The following SPEG variants were observed in gnomAD, a reference collection of about 807,000 sequenced individuals.
The protein encoded by SPEG is striated muscle preferentially expressed protein kinase.
Under a neutral mutation model 300.4 loss-of-function variants are expected in SPEG, and 114 were observed. The observed-to-expected ratio is 0.38, with a 90% CI of 0.33 to 0.44. The LOEUF is 0.44. Ranked by LOEUF, SPEG falls within the 20% of genes least tolerant of loss-of-function variation. The pLI, the probability that SPEG is intolerant of heterozygous loss-of-function variation, is 1.00. For synonymous variants in SPEG, 1,964 were observed against 2,018.9 expected (o/e 0.97, Z 0.73); for missense variants, 4,201 against 4,586.2 (o/e 0.92, Z 2.43).
rs181988943 is a variant in SPEG, at chr2:219,451,352, C to T, written c.2257+73C>T. The stretch of plus-strand genomic sequence containing the variant: ...GTGTGAGAAGGGAAGGGGAGGTTCC[C>T]CCGGACTCCTCCAAGGGAGGGGTGG... On this transcript the variant is annotated intron_variant, in intron 5 of 40. Coordinates refer to ENST00000312358, the MANE Select transcript of SPEG (RefSeq NM_005876.5). The surrounding 1 kb of genome is among the most constrained non-coding windows in gnomAD (Gnocchi z 6.4). 8 of 1,518,524 alleles carry T rather than the reference C, an allele frequency of 5.3e-6. No individual in the cohort carries two copies. Among genetic ancestry groups the T allele is most frequent in the East Asian group, 2.3e-5 (1 of 42,664 alleles). The allele number at this position is 1,518,524 out of a possible 1,614,324, so 94.1% of individuals were successfully genotyped here. A position where few individuals can be genotyped will look rare whatever the true frequency, so the allele number is the denominator to read the frequency against.
At chr2:219,472,857 A>G in intron 15 of SPEG, 33 bp from the exon 16 acceptor site, 2 of 1,540,156 alleles carry the variant, frequency 1.3e-6, no homozygotes, top group Non-Finnish European at 1.8e-6. Flanking sequence ...CTGCTCCTGC[A>G]ACAGCAGCCT....
chr2:219,464,290 G>T lies in SPEG; in HGVS notation c.2706-143G>T. 1.1e-6 allele frequency: 1 copy of T among 893,896 alleles called. No homozygotes were observed. 55.4% of individuals were successfully genotyped at this position (893,896 alleles called of 1,614,324 possible). On this transcript the variant is annotated intron_variant, in intron 8 of 40. Transcript: ENST00000312358. This position sits in a 1 kb window ranked among gnomAD's most constrained non-coding sequence, Gnocchi z 4.5. ...TAAAAACCTAGCCCTGGAAACCAGG[G>T]ATGCCCACGGTCAGTGGGACAGATC...
rs761724629 is a variant in SPEG, at chr2:219,477,474, G to A, written c.4729+29G>A. On this transcript the variant is annotated intron_variant, in intron 20 of 40. Coordinates refer to ENST00000312358, the MANE Select transcript of SPEG (RefSeq NM_005876.5). This position sits in a 1 kb window ranked among gnomAD's most constrained non-coding sequence, Gnocchi z 6.4. ...GGCAGGAGTTCCGGAGAAAGGTAAA[G>A]CGCACACCCCCTGGAATCTGATGTG... The A allele has an allele frequency of 2.6e-6, 4 of 1,543,488 alleles. No homozygotes were observed. The South Asian group carries it at 4.9e-5, about 19-fold the overall frequency.
rs1691069907 is a variant in SPEG at position 219,464,482 on chromosome 2, G to A, written c.2755G>A (p.Glu919Lys). The A allele has an allele frequency of 6.2e-7, 1 of 1,613,858 alleles. No homozygotes were observed. Among genetic ancestry groups the A allele is most frequent in the South Asian group, 1.1e-5 (1 of 91,086 alleles). Residue 919 changes from glutamate to lysine, a missense_variant, in exon 9 of 41, where the codon GAG (glutamate) becomes AAG (lysine). Coordinates refer to ENST00000312358, the MANE Select transcript of SPEG (RefSeq NM_005876.5). The surrounding 1 kb of genome is among the most constrained non-coding windows in gnomAD (Gnocchi z 4.5). ...VRPDQRRFAE[E>K]AEGGLCRLRI... The stretch of plus-strand genomic sequence containing the variant: ...CCCAGACCAGCGGCGCTTTGCGGAG[G>A]AGGCTGAGGGTGGGCTGTGCCGGCT...
intron 1 of SPEG, among the ~76,000 whole-genome samples, chr2:219,435,801 C>T (rs541513260): frequency 6.6e-6 from 1 of 152,330 alleles, no homozygotes; most frequent in South Asian, 2.1e-4. Flanking sequence ...CTGGTCCAGG[C>T]TGCACTGTTG....
At chr2:219,482,983 C>A in intron 29 of SPEG, 115 bp from the exon 30 acceptor site, 3 of 1,414,812 alleles carry the variant, frequency 2.1e-6, no homozygotes, top group Non-Finnish European at 2.9e-6. Flanking sequence ...TAGCTTCCTG[C>A]CTGTTCCCTG....
Position 219,489,860 on chromosome 2 carries a change from A to C in SPEG, c.8842A>C (p.Ser2948Arg). The C allele has an allele frequency of 6.2e-7, 1 of 1,611,996 alleles. No homozygotes were observed. Among genetic ancestry groups the C allele is most frequent in the East Asian group, 2.2e-5 (1 of 44,810 alleles). Residue 2948 changes from serine to arginine, a missense_variant, in exon 36 of 41, where the codon AGC becomes CGC. Transcript: ENST00000312358. ...VVSSPGSSPR[S>R]SPRPEGTTLR... ...CAGCTCCCCTGGGAGCAGTCCCCGA[A>C]GCTCTCCCAGGCCTGAGGGTACCAC...
At position 219,489,629 on chromosome 2, in the gene SPEG, G is replaced by A; in HGVS notation, c.8611G>A (p.Glu2871Lys). 2 of 1,613,898 alleles carry A rather than the reference G, an allele frequency of 1.2e-6. No homozygotes were observed. Among genetic ancestry groups the A allele is most frequent in the Non-Finnish European group, 1.7e-6 (2 of 1,179,986 alleles). Residue 2871 changes from glutamate (E) to lysine (K), a missense_variant, in exon 36 of 41, where the codon GAG (glutamate) becomes AAG (lysine). Glu to Lys is a moderately conservative substitution (Grantham distance 56). Coordinates refer to ENST00000312358, the MANE Select transcript of SPEG (RefSeq NM_005876.5). Reference sequence around the variant, plus strand: ...ACCCAGTACCCACGTCACCCCAAGTGAGCCCAAGCCTTTCGTCCTTGACAC... The same window carrying A: ...ACCCAGTACCCACGTCACCCCAAGTAAGCCCAAGCCTTTCGTCCTTGACAC... ...TLPSTHVTPSEPKPFVLDTGT... is the reference protein window; with the variant it reads ...TLPSTHVTPSKPKPFVLDTGT...
At chr2:219,485,145 G>A (rs1461589810) in intron 30 of SPEG, 73 bp downstream of exon 30, 9 of 1,514,102 alleles carry the variant, frequency 5.9e-6, no homozygotes, top group South Asian at 3.6e-5. Context: ...TGTGGGAGGA[G>A]CAGAGGGCTG....
rs146306420 is a variant in SPEG at position 219,451,592 on chromosome 2, C to T, written c.2258-33C>T. On this transcript the variant is annotated intron_variant, in intron 5 of 40. Transcript: ENST00000312358. This position sits in a 1 kb window ranked among gnomAD's most constrained non-coding sequence, Gnocchi z 6.4. ...AGATTCTCAGTGGGCGCCTGTGGGC[C>T]GTGGCGAGCCGGGTCCCTGTGCCTC... 14,754 of 1,477,364 alleles carry T rather than the reference C, an allele frequency of 1.0e-2. 128 individuals are homozygous for T. Among genetic ancestry groups the T allele is most frequent in the South Asian group, 0.021 (1,574 of 74,322 alleles). The allele number at this position is 1,477,364 out of a possible 1,614,324, so 91.5% of individuals were successfully genotyped here.
In SPEG at chr2:219,490,942, C is replaced by A; in HGVS notation, c.9371C>A (p.Thr3124Lys). 6.2e-7 allele frequency: 1 copy of A among 1,612,476 alleles called. No homozygotes were observed. Among genetic ancestry groups the A allele is most frequent in the Middle Eastern group, 1.7e-4 (1 of 5,978 alleles). ...AGGCCCCTTGGCCACCGCACGGGCACGCTGGAGTTCATGGGTGAGGGGACC... is the reference window on the plus strand; with the variant it reads ...AGGCCCCTTGGCCACCGCACGGGCAAGCTGGAGTTCATGGGTGAGGGGACC... ...ALRPLGHRTG[T>K]LEFMAPEMVK... Residue 3124 changes from threonine to lysine, a missense_variant, in exon 38 of 41, where the codon ACG becomes AAG. This residue lies in a region of SPEG where 318 missense variants were observed against 429.5 expected (regional missense o/e 0.74). Transcript: ENST00000312358.
At chr2:219,475,932 T>C (rs906287411) in intron 18 of SPEG, among the ~76,000 whole-genome samples, 11 of 151,736 alleles carry the variant, frequency 7.2e-5, no homozygotes, top group Non-Finnish European at 1.2e-4. Context: ...TCTGTGTGCC[T>C]GTGAAGGGTG....
chr2:219,484,420 T>G lies in SPEG; in HGVS notation c.6957T>G (p.Ser2319Arg). The G allele has an allele frequency of 3.1e-6, 5 of 1,610,992 alleles. No homozygotes were observed. The highest frequency in any genetic ancestry group is 4.2e-6 in the Non-Finnish European group (5 of 1,179,804). ...VPTVPPRPGSSLSSSIENLES... is the reference protein window; with the variant it reads ...VPTVPPRPGSRLSSSIENLES... The stretch of plus-strand genomic sequence containing the variant: ...CGGTGCCCCCCAGGCCAGGCAGCAG[T>G]CTCAGTAGCAGCATCGAAAACTTGG... Residue 2319 changes from serine to arginine, a missense_variant, in exon 30 of 41, where the codon AGT (serine) becomes AGG (arginine). By Grantham distance (110) the Ser-to-Arg change is moderately radical. Around this residue, in one of 4 missense-constraint regions of SPEG, gnomAD observed 1,578 missense variants for 1,506.0 expected, o/e 1.05. Coordinates refer to ENST00000312358, the MANE Select transcript of SPEG (RefSeq NM_005876.5).
chr2:219,460,274 G>T (rs1012689064), intron 6 of SPEG: 5 of 982,490 alleles, frequency 5.1e-6, no homozygotes, highest in Non-Finnish European at 4.8e-6. Flanking sequence ...GTGAAGGAGG[G>T]CAAAGATCTT....
intron 13 of SPEG, among the ~76,000 whole-genome samples, chr2:219,470,017 G>A (rs1294262530): frequency 6.6e-6 from 1 of 152,146 alleles, no homozygotes; most frequent in Non-Finnish European, 1.5e-5. Context: ...ATCCTTGAAG[G>A]AATCTGAGTC....
intron 18 of SPEG, among the ~76,000 whole-genome samples, chr2:219,475,135 G>C (rs1692225876): frequency 1.3e-5 from 2 of 151,900 alleles, no homozygotes; most frequent in African/African-American, 4.8e-5. Context: ...TCTCAAACTA[G>C]TTACTACCTA....
rs1181071657 is a variant in SPEG at position 219,477,695 on chromosome 2, C to T, written c.4736C>T (p.Thr1579Ile). ...KAELAVHSAQ[T>I]AMEVEGVGED... ...CATGACATCTCTGCCCCAGCTCAGA[C>T]AGCTATGGAGGTCGAGGGGGTCGGG... Residue 1579 changes from threonine to isoleucine, a missense_variant, in exon 21 of 41, where the codon ACA (threonine) becomes ATA (isoleucine). Physicochemically the swap from Thr to Ile is moderately conservative, Grantham distance 89. Coordinates refer to ENST00000312358, the MANE Select transcript of SPEG (RefSeq NM_005876.5). The surrounding 1 kb of genome is among the most constrained non-coding windows in gnomAD (Gnocchi z 6.4). The T allele has an allele frequency of 3.1e-5, 49 of 1,581,202 alleles. No homozygotes were observed. Among genetic ancestry groups the T allele is most frequent in the Non-Finnish European group, 4.1e-5 (48 of 1,161,352 alleles).
Position 219,492,721 on chromosome 2 carries a change from C to G in SPEG, c.9739C>G (p.Arg3247Gly), listed in dbSNP as rs565990660. The change falls in exon 41 of 41, where the codon CGG (arginine) becomes GGG (glycine). Residue 3247 changes from arginine to glycine, a missense_variant. Arg to Gly is a moderately radical substitution (Grantham distance 125). Transcript: ENST00000312358. ...RLKEFLGEQR[R>G]RRAEAATRHK... ...CAAGGAGTTCCTGGGCGAGCAGCGG[C>G]GGCGCCGGGCTGAGGCTGCCACCCG... 1.3e-6 allele frequency: 2 copies of G among 1,599,752 alleles called. No homozygotes were observed. Among genetic ancestry groups the G allele is most frequent in the Admixed American group, 3.4e-5 (2 of 59,464 alleles).
chr2:219,445,556 A>T lies in SPEG; in HGVS notation c.815+395A>T. The T allele has an allele frequency of 3.4e-6, 1 of 292,930 alleles. No individual in the cohort carries two copies. Among genetic ancestry groups the T allele is most frequent in the Non-Finnish European group, 6.5e-6 (1 of 154,226 alleles). 18.1% of individuals were successfully genotyped at this position (292,930 alleles called of 1,614,324 possible). On this transcript the variant is annotated intron_variant, in intron 3 of 40. Coordinates refer to ENST00000312358, the MANE Select transcript of SPEG (RefSeq NM_005876.5). The surrounding 1 kb of genome is among the most constrained non-coding windows in gnomAD (Gnocchi z 6.1). ...CTGTCTCAGCAGCTGCTGCCTTTTCATCTCTCTGCACATTCCTGTTCCCAT... is the reference window on the plus strand; with the variant it reads ...CTGTCTCAGCAGCTGCTGCCTTTTCTTCTCTCTGCACATTCCTGTTCCCAT...
Sources: allele counts gnomAD v4.1 joint callset (sites outside exome capture counted in the v4.1 genomes callset), GRCh38; gene constraint gnomAD v4.1.1; regional missense constraint gnomAD v4.1.1; non-coding constraint Gnocchi (gnomAD v3.1); transcripts MANE v1.5; gene names NCBI Gene and HGNC (gene_info 2026-07-23, HGNC 2026-07-21).